Variants in FAM135A observed in about 807,000 individuals in gnomAD.
FAM135A encodes the protein protein FAM135A.
Under a neutral mutation model 146.8 loss-of-function variants are expected in FAM135A, and 79 were observed. The ratio of observed to expected loss-of-function variants is 0.54; its 90% CI spans 0.45 to 0.65. FAM135A has a LOEUF of 0.65. Among genes scored for constraint, FAM135A ranks in the 30% least tolerant of loss-of-function variants. The probability of loss-of-function intolerance (pLI) is 0.00; values close to 1 mark genes in which losing one functional copy is unlikely to be tolerated. For missense variants in FAM135A, 1,623 were observed against 1,758.2 expected, an observed-to-expected ratio of 0.92 and a Z score of 1.38; for synonymous variants, 562 against 603.6, an observed-to-expected ratio of 0.93 and a Z score of 1.01.
Position 70,452,494 on chromosome 6 carries a change from T to C in FAM135A, c.80T>C (p.Phe27Ser). 1 of 1,595,986 alleles carries C rather than the reference T, an allele frequency of 6.3e-7. No homozygotes were observed. The highest frequency in any genetic ancestry group is 8.5e-7 in the Non-Finnish European group (1 of 1,175,014). Residue 27 changes from phenylalanine (F) to serine (S), a missense_variant and splice_region_variant, in exon 5 of 22, where the codon TTT (phenylalanine) becomes TCT (serine). By Grantham distance (155) the Phe-to-Ser change is radical. Transcript: ENST00000418814. ...FYNVDLFQRG[F>S]YQIRASMKIP... ...CTTCCTTGTTTATTTTGCTTTAGTTTTTACCAGATTCGTGCTTCTATGAAA... is the reference window on the plus strand; with the variant it reads ...CTTCCTTGTTTATTTTGCTTTAGTTCTTACCAGATTCGTGCTTCTATGAAA...
chr6:70,534,389 G>A (rs973213560), intron 18 of FAM135A, among the ~76,000 whole-genome samples: 3 of 137,974 alleles, frequency 2.2e-5, no homozygotes, highest in African/African-American at 5.5e-5. Context: ...GCGCCATCTC[G>A]GCTCACTGCA....
chr6:70,556,710 G>A (rs1800911236), intron 20 of FAM135A, 40 bp from the exon 21 acceptor site: 4 of 1,335,378 alleles, frequency 3.0e-6, no homozygotes, highest in Admixed American at 4.4e-5. Flanking sequence ...TTAAAATCTA[G>A]TTAACTACTG....
At chr6:70,433,076 AC>A (rs1196606924) in intron 4 of FAM135A, among the ~76,000 whole-genome samples, 1 of 149,536 alleles carries the variant, frequency 6.7e-6, no homozygotes, top group African/African-American at 2.5e-5. Context: ...AAATCAAGAT[AC>A]TTTTTTTTTT....
At chr6:70,416,235 A>G (rs1015487374) in intron 2 of FAM135A, among the ~76,000 whole-genome samples, 2 of 152,188 alleles carry the variant, frequency 1.3e-5, no homozygotes, top group Non-Finnish European at 2.9e-5. Flanking sequence ...ATGTTCACAC[A>G]TTAGTTAATG....
intron 11 of FAM135A, among the ~76,000 whole-genome samples, chr6:70,498,960 G>A (rs147952741): frequency 0.022 from 3,308 of 152,218 alleles, 69 homozygotes; most frequent in Non-Finnish European, 0.029. Flanking sequence ...TGTTGATTTG[G>A]GGTGAAGAGT....
chr6:70,507,069 A>T (rs1789939082), intron 12 of FAM135A, among the ~76,000 whole-genome samples: 1 of 152,104 alleles, frequency 6.6e-6, no homozygotes. Context: ...AGAATACCAA[A>T]GATAAACTTT....
chr6:70,520,963 G>C (rs1429392279), intron 12 of FAM135A, among the ~76,000 whole-genome samples: 1 of 152,210 alleles, frequency 6.6e-6, no homozygotes, highest in Non-Finnish European at 1.5e-5. Flanking sequence ...AAGAACTGGA[G>C]TTTCTCAAAT....
intron 4 of FAM135A, among the ~76,000 whole-genome samples, chr6:70,448,140 A>G (rs1019738853): frequency 6.6e-6 from 1 of 152,166 alleles, no homozygotes; most frequent in Non-Finnish European, 1.5e-5. Flanking sequence ...CGCTGCTTGA[A>G]CAGTCACTGA....
At chr6:70,496,737 C>T (rs1451639436) in intron 11 of FAM135A, among the ~76,000 whole-genome samples, 1 of 151,790 alleles carries the variant, frequency 6.6e-6, no homozygotes, top group African/African-American at 2.4e-5. Flanking sequence ...GCCAGTTTTC[C>T]CAGCACCATT....
At chr6:70,452,196 T>G (rs1336915983) in intron 4 of FAM135A, among the ~76,000 whole-genome samples, 1 of 152,118 alleles carries the variant, frequency 6.6e-6, no homozygotes, top group Non-Finnish European at 1.5e-5. Context: ...ATGAAGTTCT[T>G]AGACGCTTTT....
chr6:70,433,899 G>A (rs554897615), intron 4 of FAM135A, among the ~76,000 whole-genome samples: 72 of 152,160 alleles, frequency 4.7e-4, no homozygotes, highest in African/African-American at 1.7e-3. Flanking sequence ...TTGCCTTAAT[G>A]GTAAACAGAA....
rs755382381 is a variant in FAM135A at position 70,556,739 on chromosome 6, T to C, written c.4229-11T>C. On this transcript the variant is annotated splice_polypyrimidine_tract_variant and intron_variant, in intron 20 of 21. Coordinates refer to ENST00000418814, the MANE Select transcript of FAM135A (RefSeq NM_001162529.3). ...ACTACTGCATTATAATTTATTATAT[T>C]CTATTCACAGGGCTTCATTATTTCA... is the stretch of plus-strand genomic sequence containing the variant. The C allele has an allele frequency of 6.4e-7, 1 of 1,552,768 alleles. No homozygotes were observed. Among genetic ancestry groups the C allele is most frequent in the Non-Finnish European group, 8.8e-7 (1 of 1,139,242 alleles).
chr6:70,539,993 C>G (rs976608985), intron 20 of FAM135A, among the ~76,000 whole-genome samples: 1 of 151,926 alleles, frequency 6.6e-6, no homozygotes, highest in African/African-American at 2.4e-5. Flanking sequence ...GAGACTCCGT[C>G]TCAAAAAAAA....
At chr6:70,443,343 A>G (rs1774987539) in intron 4 of FAM135A, among the ~76,000 whole-genome samples, 1 of 152,218 alleles carries the variant, frequency 6.6e-6, no homozygotes, top group Non-Finnish European at 1.5e-5. Flanking sequence ...AGTGCAATAC[A>G]TTACTTTTTC....
At chr6:70,438,595 C>G (rs534505811) in intron 4 of FAM135A, among the ~76,000 whole-genome samples, 1 of 152,174 alleles carries the variant, frequency 6.6e-6, no homozygotes, top group African/African-American at 2.4e-5. Context: ...TCAGGTAACC[C>G]TTATGTTATT....
chr6:70,501,753 C>T (rs548120247), intron 11 of FAM135A, among the ~76,000 whole-genome samples: 38 of 152,110 alleles, frequency 2.5e-4, no homozygotes, highest in Non-Finnish European at 3.8e-4. Flanking sequence ...CTTCTCGTAA[C>T]GCCCCACCCT....
chr6:70,533,272 C>T, intron 17 of FAM135A, 21 bp downstream of exon 17: 1 of 1,582,088 alleles, frequency 6.3e-7, no homozygotes, highest in Non-Finnish European at 8.6e-7. Flanking sequence ...ACAGTGTTTT[C>T]AGTGAAAACA....
chr6:70,473,607 T>C (rs1782031524), intron 5 of FAM135A, among the ~76,000 whole-genome samples: 1 of 152,136 alleles, frequency 6.6e-6, no homozygotes, highest in South Asian at 2.1e-4. Context: ...CAGTCCCTTA[T>C]ATGTGCCAAT....
intron 16 of FAM135A, among the ~76,000 whole-genome samples, chr6:70,529,656 G>T (rs1266126817): frequency 6.6e-6 from 1 of 152,084 alleles, no homozygotes; most frequent in Non-Finnish European, 1.5e-5. Flanking sequence ...TGGAGAAAAA[G>T]ATAGAAAGCA....
Sources: gnomAD v4.1 joint callset for allele counts (sites outside exome capture counted in the v4.1 genomes callset) on GRCh38, gnomAD v4.1.1 for gene constraint, MANE v1.5 for transcripts, NCBI Gene and HGNC (gene_info 2026-07-23, HGNC 2026-07-21) for gene names.